Variants in ARHGAP15 observed in about 807,000 individuals in gnomAD.
ARHGAP15 encodes rho GTPase-activating protein 15.
In ARHGAP15, 51 loss-of-function variants were observed where a neutral mutation model predicts 63.7. That is an observed-to-expected ratio of 0.80 (90% CI 0.64 to 1.01). The LOEUF (loss-of-function observed/expected upper bound fraction) is 1.01. Among genes scored for constraint, ARHGAP15 ranks in the 50% least tolerant of loss-of-function variants. The pLI is 0.00. For synonymous variants in ARHGAP15, 191 were observed against 193.8 expected (o/e 0.99, Z 0.12); for missense variants, 560 against 564.6 (o/e 0.99, Z 0.08).
intron 1 of ARHGAP15, among the ~76,000 whole-genome samples, chr2:143,139,488 T>C (rs566022340): frequency 6.6e-6 from 1 of 152,262 alleles, no homozygotes; most frequent in African/African-American, 2.4e-5. Flanking sequence ...TTCTTATAAA[T>C]GTATTTTAAG....
At chr2:143,732,910 G>GTT (rs35876339) in intron 13 of ARHGAP15, among the ~76,000 whole-genome samples, 2,473 of 121,968 alleles carry the variant, frequency 0.02, 66 homozygotes, top group African/African-American at 0.046. Context: ...TTGTTTTTGG[G>GTT]TTTTTTTTTT....
intron 6 of ARHGAP15, among the ~76,000 whole-genome samples, chr2:143,338,995 C>T (rs934471665): frequency 1.3e-5 from 2 of 152,044 alleles, no homozygotes; most frequent in East Asian, 3.8e-4. Context: ...AATGCCATAA[C>T]AAGCAATAAG....
chr2:143,413,966 T>TGTGCGCGCACGCGCGCGC, intron 6 of ARHGAP15, among the ~76,000 whole-genome samples: 15 of 117,924 alleles, frequency 1.3e-4, no homozygotes, highest in African/African-American at 5.0e-4. Context: ...TGTGTGTGTG[T>TGTGCGCGCACGCGCGCGC]GCGCGCTCTC....
intron 12 of ARHGAP15, among the ~76,000 whole-genome samples, chr2:143,685,947 T>TA (rs926865322): frequency 3.5e-4 from 52 of 150,590 alleles, no homozygotes; most frequent in African/African-American, 4.6e-4. Flanking sequence ...ATGTTTACTT[T>TA]AAAAAAAAAA....
At chr2:143,133,948 C>T (rs1239767996) in intron 1 of ARHGAP15, among the ~76,000 whole-genome samples, 1 of 152,068 alleles carries the variant, frequency 6.6e-6, no homozygotes, top group Non-Finnish European at 1.5e-5. Flanking sequence ...TATTTTATAA[C>T]AAAACTAAGG....
chr2:143,372,044 A>G (rs1346450211), intron 6 of ARHGAP15, among the ~76,000 whole-genome samples: 1 of 133,270 alleles, frequency 7.5e-6, no homozygotes, highest in Admixed American at 7.7e-5. Flanking sequence ...ATAAATAAAT[A>G]AATAGGACTA....
intron 10 of ARHGAP15, among the ~76,000 whole-genome samples, chr2:143,544,576 G>GAAT (rs1487501418): frequency 6.6e-6 from 1 of 152,142 alleles, no homozygotes; most frequent in African/African-American, 2.4e-5. Flanking sequence ...ACCTCACAGA[G>GAAT]AATATATGTT....
At chr2:143,195,227 AAG>A (rs914370083) in intron 2 of ARHGAP15, among the ~76,000 whole-genome samples, 25 of 152,184 alleles carry the variant, frequency 1.6e-4, no homozygotes, top group African/African-American at 5.8e-4. Context: ...CCAAAAAAAA[AAG>A]AGAGAATATT....
chr2:143,213,999 C>T (rs1008673815), intron 3 of ARHGAP15, among the ~76,000 whole-genome samples: 1 of 152,214 alleles, frequency 6.6e-6, no homozygotes, highest in Non-Finnish European at 1.5e-5. Flanking sequence ...CTATGATGTA[C>T]ACCTTAAACC....
chr2:143,713,021 T>G (rs935571148), intron 13 of ARHGAP15, among the ~76,000 whole-genome samples: 3 of 152,200 alleles, frequency 2.0e-5, no homozygotes, highest in African/African-American at 7.2e-5. Flanking sequence ...GTTGAACAAA[T>G]GGAATCGCGT....
intron 11 of ARHGAP15, among the ~76,000 whole-genome samples, chr2:143,574,060 G>A (rs957454075): frequency 1.3e-5 from 2 of 152,092 alleles, no homozygotes; most frequent in Admixed American, 6.6e-5. Flanking sequence ...GTAGCCAAAC[G>A]AAATCACCTG....
chr2:143,383,564 A>G (rs1340233725), intron 6 of ARHGAP15, among the ~76,000 whole-genome samples: 2 of 152,238 alleles, frequency 1.3e-5, no homozygotes, highest in Non-Finnish European at 1.5e-5. Flanking sequence ...AGTATACACA[A>G]TAATTTGTAT....
At chr2:143,574,824 T>G (rs1053383628) in intron 11 of ARHGAP15, among the ~76,000 whole-genome samples, 2 of 152,224 alleles carry the variant, frequency 1.3e-5, no homozygotes, top group Non-Finnish European at 2.9e-5. Flanking sequence ...TAGAAATGTC[T>G]TCTGAGGAAA....
At chr2:143,746,922 G>T in intron 13 of ARHGAP15, among the ~76,000 whole-genome samples, 1 of 152,306 alleles carries the variant, frequency 6.6e-6, no homozygotes, top group South Asian at 2.1e-4. Flanking sequence ...CAACTCAAAT[G>T]TGTGTGGCCA....
intron 8 of ARHGAP15, among the ~76,000 whole-genome samples, chr2:143,486,052 A>G (rs1250790274): frequency 1.3e-5 from 2 of 152,200 alleles, no homozygotes; most frequent in African/African-American, 2.4e-5. Flanking sequence ...AAAGGCAGGG[A>G]AAGCAGGATG....
chr2:143,351,899 ACTTTT>A (rs1262416233), intron 6 of ARHGAP15, among the ~76,000 whole-genome samples: 2 of 152,208 alleles, frequency 1.3e-5, no homozygotes, highest in African/African-American at 4.8e-5. Flanking sequence ...TTCTCATTAT[ACTTTT>A]CTTATCTAAA....
In ARHGAP15 at chr2:143,389,132, TTA is replaced by T. The variant is rs1553473228; in HGVS notation, c.475-46467_475-46466del. Among the ~76,000 whole-genome samples the T allele has an allele frequency of 1.8e-3, 270 of 148,854 alleles. 2 individuals are homozygous for T. The highest frequency in any genetic ancestry group is 7.0e-3 in the Middle Eastern group (2 of 284). Reference sequence around the variant, plus strand: ...ATTATTATTATTATTATTATTATTATTATTTTTTATTATTATTATTTTACAAA... The same window carrying T: ...ATTATTATTATTATTATTATTATTATTTTTTTATTATTATTATTTTACAAA... On this transcript the variant is annotated intron_variant, in intron 6 of 13. Transcript: ENST00000295095.
chr2:143,488,729 G>A (rs375925042), intron 9 of ARHGAP15, among the ~76,000 whole-genome samples: 19 of 152,270 alleles, frequency 1.2e-4, no homozygotes, highest in Admixed American at 2.6e-4. Context: ...ATCAGTTTCC[G>A]TCCATTTTGA....
chr2:143,153,876 C>CTCCTCCTCT (rs1558779851), intron 1 of ARHGAP15, among the ~76,000 whole-genome samples: 1,303 of 57,172 alleles, frequency 0.023, 133 homozygotes, highest in South Asian at 0.11. Flanking sequence ...CCTCCTCTTC[C>CTCCTCCTCT]TCCTCCTCCT....
Sources: gnomAD v4.1 joint callset for allele counts (sites outside exome capture counted in the v4.1 genomes callset) on GRCh38, gnomAD v4.1.1 for gene constraint, MANE v1.5 for transcripts, NCBI Gene and HGNC (gene_info 2026-07-23, HGNC 2026-07-21) for gene names.